DST: variants seen among roughly 807,000 people sequenced by gnomAD.
The protein encoded by DST is bullous pemphigoid antigen.
A neutral mutation model predicts 875.2 loss-of-function variants in DST; 253 were observed. That is an observed-to-expected ratio of 0.29 (90% CI 0.26 to 0.32). The LOEUF is 0.32. Ranked by LOEUF, DST falls within the 10% of genes least tolerant of loss-of-function variation. The probability of loss-of-function intolerance (pLI) is 1.00; values close to 1 mark genes in which losing one functional copy is unlikely to be tolerated. For missense variants in DST, 8,287 were observed against 9,111.6 expected (o/e 0.91, Z 3.68); for synonymous variants, 3,124 against 3,197.1 (o/e 0.98, Z 0.77).
At chr6:56,705,561 T>A (rs927781300) in intron 5 of DST, among the ~76,000 whole-genome samples, 1 of 152,224 alleles carries the variant, frequency 6.6e-6, no homozygotes, top group African/African-American at 2.4e-5. Flanking sequence ...TCTCTATATA[T>A]ATGTTTTACA....
intron 4 of DST, chr6:56,843,278 G>T (rs2099802686): frequency 5.6e-6 from 7 of 1,251,182 alleles, no homozygotes; most frequent in Admixed American, 7.4e-5. Flanking sequence ...GGAGAAGCAC[G>T]GAAGCCGAAG....
rs1357116825 is a variant in DST, at chr6:56,625,261, A to G, written c.4726T>C (p.Tyr1576His). The G allele has an allele frequency of 1.2e-6, 2 of 1,604,426 alleles. No individual in the cohort carries two copies. The highest frequency in any genetic ancestry group is 1.1e-5 in the South Asian group (1 of 90,922). Reference sequence around the variant, plus strand: ...CGGTAGGTCATTGTTTGTAATTCATAGTCCTGTATAAAGGAGTCAATAAGA... The same window carrying G: ...CGGTAGGTCATTGTTTGTAATTCATGGTCCTGTATAAAGGAGTCAATAAGA... ...AEQYSATVKD[Y>H]ELQTMTYRAM... is the part of the protein sequence containing the mutation. The change falls in exon 35 of 104, where the codon TAT becomes CAT. Residue 1576 changes from tyrosine (Y) to histidine (H), a missense_variant. Transcript: ENST00000680361.
intron 10 of DST, among the ~76,000 whole-genome samples, chr6:56,658,679 G>A (rs1174526906): frequency 6.6e-6 from 1 of 152,114 alleles, no homozygotes; most frequent in Admixed American, 6.5e-5. Flanking sequence ...ATTCTTCCCA[G>A]TCAAAAAACT....
intron 5 of DST, among the ~76,000 whole-genome samples, chr6:56,705,386 T>C (rs569459980): frequency 6.6e-6 from 1 of 152,264 alleles, no homozygotes; most frequent in African/African-American, 2.4e-5. Flanking sequence ...CAAGTGAGTA[T>C]ATAGCACAAA....
chr6:56,704,609 G>A (rs900128693), intron 5 of DST, among the ~76,000 whole-genome samples: 5 of 152,120 alleles, frequency 3.3e-5, no homozygotes, highest in Admixed American at 3.3e-4. Flanking sequence ...TAAGACACCA[G>A]AACAAACATA....
intron 3 of DST, among the ~76,000 whole-genome samples, chr6:56,896,242 T>C (rs914215176): frequency 2.0e-5 from 3 of 152,142 alleles, no homozygotes; most frequent in Non-Finnish European, 4.4e-5. Flanking sequence ...ACTTGAATTG[T>C]ATCTCCCAGA....
At chr6:56,780,967 A>G (rs1226246627) in intron 4 of DST, among the ~76,000 whole-genome samples, 1 of 152,204 alleles carries the variant, frequency 6.6e-6, no homozygotes, top group Non-Finnish European at 1.5e-5. Context: ...TCCCAGCACC[A>G]TTTATTAAAT....
chr6:56,501,330 A>AT (rs1197982703), intron 79 of DST, 95 bp from the exon 80 acceptor site: 1 of 1,357,554 alleles, frequency 7.4e-7, no homozygotes. Context: ...TTCATGTTGT[A>AT]TAAGTCCATA....
intron 10 of DST, among the ~76,000 whole-genome samples, chr6:56,659,535 T>C (rs986460771): frequency 6.6e-6 from 1 of 152,168 alleles, no homozygotes; most frequent in Non-Finnish European, 1.5e-5. Flanking sequence ...AAATATCCAC[T>C]GGATTTAGCT....
intron 4 of DST, among the ~76,000 whole-genome samples, chr6:56,753,716 T>G (rs910918586): frequency 1.3e-5 from 2 of 152,146 alleles, no homozygotes; most frequent in Non-Finnish European, 2.9e-5. Flanking sequence ...AATTATCAAA[T>G]GGGACTCCAA....
At chr6:56,730,237 A>C (rs1368602631) in intron 5 of DST, among the ~76,000 whole-genome samples, 1 of 151,930 alleles carries the variant, frequency 6.6e-6, no homozygotes, top group East Asian at 1.9e-4. Flanking sequence ...CCCTTAAACT[A>C]CTCCTCCTAA....
intron 9 of DST, among the ~76,000 whole-genome samples, chr6:56,679,433 G>A (rs1363190148): frequency 1.3e-5 from 2 of 151,828 alleles, no homozygotes; most frequent in African/African-American, 2.4e-5. Flanking sequence ...GTCCTAACTG[G>A]CCAGCTCTTT....
intron 2 of DST, among the ~76,000 whole-genome samples, chr6:56,922,789 T>C (rs1177352175): frequency 6.6e-6 from 1 of 152,154 alleles, no homozygotes; most frequent in East Asian, 1.9e-4. Context: ...TCTACTACCT[T>C]TTGTCAAAAG....
At chr6:56,503,272 C>A (rs998314081) in intron 78 of DST, among the ~76,000 whole-genome samples, 1 of 151,872 alleles carries the variant, frequency 6.6e-6, no homozygotes, top group Admixed American at 6.6e-5. Flanking sequence ...TTAAAAATAA[C>A]TAAAAGAGTA....
chr6:56,837,517 A>G (rs756039558), intron 4 of DST, among the ~76,000 whole-genome samples: 1 of 151,994 alleles, frequency 6.6e-6, no homozygotes, highest in Non-Finnish European at 1.5e-5. Context: ...GCTCTTTCTA[A>G]TATCTATCTA....
intron 61 of DST, among the ~76,000 whole-genome samples, chr6:56,549,584 T>G (rs2097285696): frequency 6.6e-6 from 1 of 152,202 alleles, no homozygotes; most frequent in African/African-American, 2.4e-5. Context: ...GCAGCAGTAG[T>G]GGTGATCACT....
chr6:56,898,112 G>A (rs1477385460), intron 3 of DST, among the ~76,000 whole-genome samples: 1 of 152,188 alleles, frequency 6.6e-6, no homozygotes, highest in Admixed American at 6.5e-5. Context: ...CACAGAGCAG[G>A]ATTTGAACCC....
intron 4 of DST, among the ~76,000 whole-genome samples, chr6:56,841,553 C>T (rs1425702778): frequency 2.0e-5 from 3 of 152,280 alleles, no homozygotes; most frequent in Middle Eastern, 3.4e-3. Flanking sequence ...CAAATAAGCA[C>T]TCGTTTTCAG....
Position 56,605,662 on chromosome 6 carries a change from T to C in DST, c.8966A>G (p.Lys2989Arg). The C allele has an allele frequency of 6.2e-7, 1 of 1,612,958 alleles. No individual in the cohort carries two copies. Among genetic ancestry groups the C allele is most frequent in the African/African-American group, 1.3e-5 (1 of 74,970 alleles). ...KDEYFKNMTP[K>R]VDSSLDHIIC... Reference sequence around the variant, plus strand: ...GATGTGATCAAGAGATGAGTCAACTTTTGGTGTCATATTCTTAAAATATTC... The same window carrying C: ...GATGTGATCAAGAGATGAGTCAACTCTTGGTGTCATATTCTTAAAATATTC... The change falls in exon 40 of 104, where the codon AAA (lysine) becomes AGA (arginine). Residue 2989 changes from lysine to arginine, a missense_variant. This residue lies in a region of DST where 3,138 missense variants were observed against 3,116.6 expected (regional missense o/e 1.01). Transcript: ENST00000680361.
Sources: gnomAD v4.1 joint callset for allele counts (sites outside exome capture counted in the v4.1 genomes callset) on GRCh38, gnomAD v4.1.1 for gene constraint, gnomAD v4.1.1 regional missense constraint, MANE v1.5 for transcripts, NCBI Gene and HGNC (gene_info 2026-07-23, HGNC 2026-07-21) for gene names.